The following RGR variants were observed in gnomAD, a reference collection of about 807,000 sequenced individuals.
RGR encodes RPE-retinal G protein-coupled receptor.
A neutral mutation model predicts 28.6 loss-of-function variants in RGR; 30 were observed. The observed-to-expected ratio is 1.05, with a 90% CI of 0.78 to 1.42. The LOEUF is 1.42. RGR is among the 40% of genes most tolerant of loss of function. RGR has a pLI of 0.00. For synonymous variants in RGR, 180 were observed against 156.4 expected (o/e 1.15, Z -1.13); for missense variants, 404 against 375.6 (o/e 1.08, Z -0.62).
In RGR at chr10:84,249,029, A is replaced by G; in HGVS notation, c.344A>G (p.His115Arg). Residue 115 changes from histidine (H) to arginine (R), a missense_variant, in exon 3 of 7, where the codon CAC (histidine) becomes CGC (arginine). His to Arg is a conservative substitution (Grantham distance 29). Transcript: ENST00000652092. ...SSAAIAWGRY[H>R]HYCTRSQLAW... ...GCAGCCATCGCATGGGGGCGTTATC[A>G]CCACTACTGCACCCGTATGTATCTG... The G allele has an allele frequency of 6.2e-7, 1 of 1,613,898 alleles. No homozygotes were observed. The highest frequency in any genetic ancestry group is 8.5e-7 in the Non-Finnish European group (1 of 1,179,858).
At chr10:84,253,967 G>A (rs562312136) in intron 4 of RGR, among the ~76,000 whole-genome samples, 15 of 152,234 alleles carry the variant, frequency 9.9e-5, no homozygotes, top group East Asian at 7.7e-4. Flanking sequence ...TTGTTATCCC[G>A]TCTCCTTTTA....
Position 84,258,545 on chromosome 10 carries a change from A to G in RGR, c.782A>G (p.Asn261Ser), listed in dbSNP as rs1842916697. The stretch of plus-strand genomic sequence containing the variant: ...ATTGCCAAAATGGTGCCCACGATCA[A>G]TGCCATCAACTATGCCCTGGGCAAT... ...ALIAKMVPTI[N>S]AINYALGNEM... Residue 261 changes from asparagine (N) to serine (S), a missense_variant, in exon 7 of 7, where the codon AAT becomes AGT. Transcript: ENST00000652092. The G allele has an allele frequency of 6.2e-7, 1 of 1,614,222 alleles. No homozygotes were observed. The highest frequency in any genetic ancestry group is 8.5e-7 in the Non-Finnish European group (1 of 1,180,040).
At chr10:84,253,449 G>T (rs975607473) in intron 4 of RGR, among the ~76,000 whole-genome samples, 5 of 152,180 alleles carry the variant, frequency 3.3e-5, no homozygotes, top group African/African-American at 1.2e-4. Flanking sequence ...CTGAGCATAC[G>T]CTATGAGGCA....
At chr10:84,249,080 T>A in intron 3 of RGR, 37 bp downstream of exon 3, 1 of 1,612,658 alleles carries the variant, frequency 6.2e-7, no homozygotes, top group African/African-American at 1.3e-5. Flanking sequence ...GGGACACCGA[T>A]GCAGTGTGGA....
intron 1 of RGR, among the ~76,000 whole-genome samples, chr10:84,246,033 A>G (rs1254254004): frequency 2.6e-5 from 4 of 152,214 alleles, no homozygotes; most frequent in Non-Finnish European, 5.9e-5. Flanking sequence ...TCTGGACACG[A>G]CTGTCTGGTG....
intron 1 of RGR, among the ~76,000 whole-genome samples, chr10:84,245,969 A>C (rs1382415471): frequency 6.6e-6 from 1 of 152,190 alleles, no homozygotes. Flanking sequence ...TTTCTCACCT[A>C]ATGAGAACTG....
chr10:84,248,937 C>T lies in RGR; in HGVS notation c.252C>T (p.Gly84=). 3.1e-6 allele frequency: 5 copies of T among 1,614,170 alleles called. No homozygotes were observed. The highest frequency in any genetic ancestry group is 4.2e-6 in the Non-Finnish European group (5 of 1,180,040). The part of the protein sequence containing the change: ...TSSLLRRWPY[G]SDGCQAHGFQ... ...TCTCCCACAGGCGCTGGCCCTACGGCTCGGACGGCTGCCAGGCTCACGGCT... is the reference window on the plus strand; with the variant it reads ...TCTCCCACAGGCGCTGGCCCTACGGTTCGGACGGCTGCCAGGCTCACGGCT... The change falls in exon 3 of 7, where the codon GGC becomes GGT. Residue 84 remains glycine, a synonymous_variant. Transcript: ENST00000652092.
At chr10:84,254,646 T>G (rs2132886711) in intron 5 of RGR, among the ~76,000 whole-genome samples, 1 of 152,178 alleles carries the variant, frequency 6.6e-6, no homozygotes, top group Non-Finnish European at 1.5e-5. Flanking sequence ...TCAGCACCAG[T>G]TTGGTGTATT....
intron 3 of RGR, among the ~76,000 whole-genome samples, chr10:84,251,712 G>T (rs1842820656): frequency 6.6e-6 from 1 of 152,152 alleles, no homozygotes; most frequent in Non-Finnish European, 1.5e-5. Context: ...CCAGCTAATT[G>T]TGTCCCTTCT....
chr10:84,249,066 T>C (rs763274801), intron 3 of RGR, 23 bp downstream of exon 3: 2 of 1,613,100 alleles, frequency 1.2e-6, no homozygotes, highest in African/African-American at 1.3e-5. Flanking sequence ...GCTCCTGGAG[T>C]GGAGGGACAC....
chr10:84,247,901 T>C, intron 2 of RGR, 154 bp downstream of exon 2: 1 of 1,080,188 alleles, frequency 9.3e-7, no homozygotes, highest in Non-Finnish European at 1.4e-6. Context: ...AATTCCAGAT[T>C]GATTCTGAAG....
intron 2 of RGR, chr10:84,248,386 C>T (rs750089912): frequency 8.2e-6 from 2 of 243,516 alleles, no homozygotes; most frequent in Non-Finnish European, 1.5e-5. Context: ...TGGACATTCT[C>T]ATTCTGGTTT....
At position 84,249,033 on chromosome 10, in the gene RGR, C is replaced by T. The variant is rs1367107385; in HGVS notation, c.348C>T (p.His116=). 1.2e-6 allele frequency: 2 copies of T among 1,613,906 alleles called. No homozygotes were observed. The highest frequency in any genetic ancestry group is 1.7e-6 in the Non-Finnish European group (2 of 1,179,892). ...SAAIAWGRYH[H]YCTRSQLAWN... ...CCATCGCATGGGGGCGTTATCACCA[C>T]TACTGCACCCGTATGTATCTGGGCT... Residue 116 remains histidine, a synonymous_variant, in exon 3 of 7, where the codon CAC becomes CAT. Coordinates refer to ENST00000652092, the MANE Select transcript of RGR (RefSeq NM_001012720.2).
chr10:84,250,982 C>T (rs932833182), intron 3 of RGR: 1 of 151,448 alleles, frequency 6.6e-6, no homozygotes, highest in African/African-American at 2.4e-5. Flanking sequence ...TGCCTGTAAT[C>T]CCAACACTTT....
intron 3 of RGR, among the ~76,000 whole-genome samples, chr10:84,251,375 G>A (rs1170714987): frequency 1.3e-5 from 2 of 152,134 alleles, no homozygotes; most frequent in African/African-American, 2.4e-5. Flanking sequence ...GAATGCCATC[G>A]ACTCGGTGGC....
chr10:84,257,255 A>G (rs1464524981), intron 5 of RGR, among the ~76,000 whole-genome samples: 2 of 152,132 alleles, frequency 1.3e-5, no homozygotes, highest in African/African-American at 2.4e-5. Context: ...GCACCCCAGC[A>G]TCTCCCGCTC....
At chr10:84,245,617 C>T (rs1331295623) in intron 1 of RGR, among the ~76,000 whole-genome samples, 1 of 152,208 alleles carries the variant, frequency 6.6e-6, no homozygotes, top group Non-Finnish European at 1.5e-5. Flanking sequence ...CAGCTCTCTG[C>T]CCTCAATGCC....
At chr10:84,253,577 A>T (rs1283005140) in intron 4 of RGR, among the ~76,000 whole-genome samples, 1 of 152,100 alleles carries the variant, frequency 6.6e-6, no homozygotes, top group African/African-American at 2.4e-5. Context: ...TCCTTTAGGA[A>T]CTGCCTTGAG....
At chr10:84,249,152 G>GGAAGT in intron 3 of RGR, 109 bp downstream of exon 3, 2 of 1,501,494 alleles carry the variant, frequency 1.3e-6, no homozygotes, top group Non-Finnish European at 1.8e-6. Context: ...CCCAGTACAG[G>GGAAGT]GAAGTGTGGG....
Sources: allele counts gnomAD v4.1 joint callset (sites outside exome capture counted in the v4.1 genomes callset), GRCh38; gene constraint gnomAD v4.1.1; transcripts MANE v1.5; gene names NCBI Gene and HGNC (gene_info 2026-07-23, HGNC 2026-07-21).